SLC8A2: variants seen among roughly 807,000 people sequenced by gnomAD.
SLC8A2 encodes sodium/calcium exchanger 2.
SLC8A2 carries 14 observed loss-of-function variants against 70.2 expected under a neutral mutation model. That is an observed-to-expected ratio of 0.20 (90% CI 0.13 to 0.31). The LOEUF (loss-of-function observed/expected upper bound fraction) is 0.31. Among genes scored for constraint, SLC8A2 ranks in the 10% least tolerant of loss-of-function variants. The pLI is 1.00. For synonymous variants in SLC8A2, 575 were observed against 594.3 expected (o/e 0.97, Z 0.47); for missense variants, 779 against 1,320.1 (o/e 0.59, Z 6.35).
At position 47,429,232 on chromosome 19, in the gene SLC8A2, CA is replaced by C. The variant is rs1226986763; in HGVS notation, c.*856del. The C allele has an allele frequency of 6.6e-6, 1 of 152,668 alleles. No homozygotes were observed. The highest frequency in any genetic ancestry group is 2.4e-5 in the African/African-American group (1 of 41,400). 9.5% of individuals were successfully genotyped at this position (152,668 alleles called of 1,614,324 possible). A position where few individuals can be genotyped will look rare whatever the true frequency, so the allele number is the denominator to read the frequency against. ...TGGCTGAGGGAGTCTGCTGCCCTCT[CA>C]AAAGTTGTCTGTCACCCCCTTTTCC... On this transcript the variant is annotated 3_prime_UTR_variant, in exon 10 of 10. Coordinates refer to ENST00000236877, the MANE Select transcript of SLC8A2 (RefSeq NM_015063.3).
chr19:47,456,282 C>G (rs1967302532), intron 3 of SLC8A2, among the ~76,000 whole-genome samples: 1 of 152,214 alleles, frequency 6.6e-6, no homozygotes. Flanking sequence ...GCACTGAATG[C>G]CTGGAGGCAG....
At chr19:47,440,870 T>C (rs950828003) in intron 6 of SLC8A2, among the ~76,000 whole-genome samples, 1 of 152,088 alleles carries the variant, frequency 6.6e-6, no homozygotes, top group African/African-American at 2.4e-5. Flanking sequence ...GGATTATAGG[T>C]GTGAGCCACC....
At chr19:47,446,951 G>A (rs115714705) in intron 4 of SLC8A2, among the ~76,000 whole-genome samples, 299 of 152,082 alleles carry the variant, frequency 2.0e-3, no homozygotes, top group African/African-American at 6.9e-3. Context: ...CACCTCCCCA[G>A]ACCCCATTTT....
intron 3 of SLC8A2, among the ~76,000 whole-genome samples, chr19:47,449,344 A>C (rs1346016593): frequency 6.6e-6 from 1 of 152,032 alleles, no homozygotes; most frequent in East Asian, 1.9e-4. Context: ...TGTTTTTTTG[A>C]GACAGAGTCT....
chr19:47,428,448 G>A lies in SLC8A2; in HGVS notation c.*1641C>T, dbSNP rs1966902695. On this transcript the variant is annotated 3_prime_UTR_variant, in exon 10 of 10. Transcript: ENST00000236877. ...TAGTGGAAGAGCTAGGCTGACGGAT[G>A]GGGGCGTGGCTAGTGGAAGCTCATT... The A allele has an allele frequency of 6.6e-6, 1 of 151,706 alleles. No individual in the cohort carries two copies. The highest frequency in any genetic ancestry group is 6.6e-5 in the Admixed American group (1 of 15,210). The allele number at this position is 151,706 out of a possible 1,614,324, so 9.4% of individuals were successfully genotyped here.
intron 1 of SLC8A2, among the ~76,000 whole-genome samples, chr19:47,470,674 G>A (rs952350775): frequency 6.6e-6 from 1 of 152,224 alleles, no homozygotes; most frequent in African/African-American, 2.4e-5. Flanking sequence ...CAAACAGCAA[G>A]AGGTATGGAA....
At chr19:47,435,257 GATT>G (rs1021800374) in intron 8 of SLC8A2, among the ~76,000 whole-genome samples, 2 of 151,908 alleles carry the variant, frequency 1.3e-5, no homozygotes, top group Admixed American at 6.6e-5. Flanking sequence ...TCATAATCAG[GATT>G]ATTATTACAG....
At chr19:47,445,564 T>C (rs984657282) in intron 4 of SLC8A2, among the ~76,000 whole-genome samples, 2 of 152,172 alleles carry the variant, frequency 1.3e-5, no homozygotes, top group African/African-American at 4.8e-5. Context: ...TGGGTGTCTC[T>C]CCTCCATCTC....
At position 47,447,964 on chromosome 19, in the gene SLC8A2, C is replaced by T. The variant is rs141899866; in HGVS notation, c.1608G>A (p.Glu536=). ...CGCGCACGTCCACGGTGCCCATGCA[C>T]TCGCTCACGTGCAGCAGGCGGTCCT... The part of the protein sequence containing the change: ...SFQDRLLHVS[E]CMGTVDVRVV... The change falls in exon 4 of 10, where the codon GAG becomes GAA. Residue 536 remains glutamate, a synonymous_variant. Coordinates refer to ENST00000236877, the MANE Select transcript of SLC8A2 (RefSeq NM_015063.3). The surrounding 1 kb of genome is among the most constrained non-coding windows in gnomAD (Gnocchi z 5.1). 4 of 1,561,462 alleles carry T rather than the reference C, an allele frequency of 2.6e-6. No homozygotes were observed. The highest frequency in any genetic ancestry group is 2.4e-5 in the East Asian group (1 of 41,562).
At chr19:47,460,123 C>T (rs1248394925) in intron 2 of SLC8A2, among the ~76,000 whole-genome samples, 1 of 152,172 alleles carries the variant, frequency 6.6e-6, no homozygotes, top group Non-Finnish European at 1.5e-5. Context: ...CCTCAGTGCC[C>T]CACCCATGAC....
chr19:47,471,440 A>G (rs1231330161), intron 1 of SLC8A2, among the ~76,000 whole-genome samples: 1 of 149,316 alleles, frequency 6.7e-6, no homozygotes, highest in Non-Finnish European at 1.5e-5. Context: ...CCCCTGAGAC[A>G]TGTGGAGAGA....
Position 47,466,217 on chromosome 19 carries a change from GGTC to G in SLC8A2, c.184_186del (p.Asp62del), listed in dbSNP as rs1355744937. The G allele has an allele frequency of 1.2e-6, 2 of 1,609,912 alleles. No individual in the cohort carries two copies. The highest frequency in any genetic ancestry group is 2.7e-5 in the African/African-American group (2 of 74,870). On this transcript the variant is annotated inframe_deletion, in exon 2 of 10. Coordinates refer to ENST00000236877, the MANE Select transcript of SLC8A2 (RefSeq NM_015063.3). The surrounding 1 kb of genome is among the most constrained non-coding windows in gnomAD (Gnocchi z 6.9). ...CGTGCCGCCTTGTCACCCAGCGACG[GGTC>G]GTCGGGCTCCCACACGGGCAGCAGC... is the stretch of plus-strand genomic sequence containing the variant.
chr19:47,434,337 G>C (rs986001760), intron 8 of SLC8A2, among the ~76,000 whole-genome samples: 1 of 152,174 alleles, frequency 6.6e-6, no homozygotes, highest in African/African-American at 2.4e-5. Context: ...GACTTCCCCA[G>C]CTGCTCCCCT....
chr19:47,447,673 C>A lies in SLC8A2; in HGVS notation c.1763+136G>T. 1.1e-6 allele frequency: 1 copy of A among 907,376 alleles called. No homozygotes were observed. The highest frequency in any genetic ancestry group is 1.6e-6 in the Non-Finnish European group (1 of 640,280). The allele number at this position is 907,376 out of a possible 1,614,324, so 56.2% of individuals were successfully genotyped here. The stretch of plus-strand genomic sequence containing the variant: ...CACGTTGCGGGCACGGCCACGCAGG[C>A]CCCTCCCCTCCCGAGGCCCAACCAA... On this transcript the variant is annotated intron_variant, in intron 4 of 9. Coordinates refer to ENST00000236877, the MANE Select transcript of SLC8A2 (RefSeq NM_015063.3). The surrounding 1 kb of genome is among the most constrained non-coding windows in gnomAD (Gnocchi z 5.1).
At chr19:47,439,617 TCTTC>T (rs149487413) in intron 6 of SLC8A2, among the ~76,000 whole-genome samples, 28 of 145,926 alleles carry the variant, frequency 1.9e-4, no homozygotes, top group African/African-American at 5.5e-4. Context: ...TTCCTTCCTT[TCTTC>T]CTTCCTTCCT....
At chr19:47,471,206 G>C (rs1266804438) in intron 1 of SLC8A2, among the ~76,000 whole-genome samples, 1 of 151,816 alleles carries the variant, frequency 6.6e-6, no homozygotes, top group Non-Finnish European at 1.5e-5. Context: ...CAGAGACAGA[G>C]AGAGACACAG....
intron 2 of SLC8A2, among the ~76,000 whole-genome samples, chr19:47,461,685 T>C (rs1967397042): frequency 6.6e-6 from 1 of 152,254 alleles, no homozygotes; most frequent in South Asian, 2.1e-4. Context: ...GAGCCGAATG[T>C]TCAGCGCAAG....
Position 47,468,258 on chromosome 19 carries a change from G to C in SLC8A2, c.-16-1839C>G, listed in dbSNP as rs1306394328. 6.6e-6 allele frequency among the ~76,000 whole-genome samples: 1 copy of C among 151,906 alleles called. No individual in the cohort carries two copies. Among genetic ancestry groups the C allele is most frequent in the Non-Finnish European group, 1.5e-5 (1 of 67,988 alleles). On this transcript the variant is annotated intron_variant, in intron 1 of 9. Transcript: ENST00000236877. The surrounding 1 kb of genome is among the most constrained non-coding windows in gnomAD (Gnocchi z 5.1). ...TCACCAGACAAGCTTCTGCCTTGGA[G>C]CCCTGGCACCTGCTGTTCCCCCTTC...
intron 2 of SLC8A2, among the ~76,000 whole-genome samples, chr19:47,457,898 G>A (rs1433076873): frequency 1.3e-5 from 2 of 149,474 alleles, no homozygotes; most frequent in African/African-American, 4.9e-5. Flanking sequence ...GAGTGCAGTG[G>A]TGCAGCCTCG....
Sources: allele counts gnomAD v4.1 joint callset (sites outside exome capture counted in the v4.1 genomes callset), GRCh38; gene constraint gnomAD v4.1.1; non-coding constraint Gnocchi (gnomAD v3.1); transcripts MANE v1.5; gene names NCBI Gene and HGNC (gene_info 2026-07-23, HGNC 2026-07-21).